POLQ: variants seen among roughly 807,000 people sequenced by gnomAD.
The protein encoded by POLQ is epididymis secretory sperm binding protein.
POLQ carries 233 observed loss-of-function variants against 259.2 expected under a neutral mutation model. The observed-to-expected ratio is 0.90, with a 90% CI of 0.81 to 1.00. The LOEUF (loss-of-function observed/expected upper bound fraction) is 1.00. Among genes scored for constraint, POLQ ranks in the 50% least tolerant of loss-of-function variants. POLQ has a pLI of 0.00. For missense variants in POLQ, 2,871 were observed against 3,051.6 expected (o/e 0.94, Z 1.39); for synonymous variants, 1,025 against 1,048.8 (o/e 0.98, Z 0.44).
chr3:121,475,556 G>C (rs2047918635), intron 20 of POLQ, among the ~76,000 whole-genome samples: 1 of 152,154 alleles, frequency 6.6e-6, no homozygotes, highest in Non-Finnish European at 1.5e-5. Context: ...CCCAGGAAGA[G>C]AGACCCATTA....
At chr3:121,449,002 A>C (rs1302002186) in intron 26 of POLQ, among the ~76,000 whole-genome samples, 1 of 152,192 alleles carries the variant, frequency 6.6e-6, no homozygotes, top group Admixed American at 6.5e-5. Context: ...TATACTCAAT[A>C]GTTTACTGTT....
chr3:121,437,230 T>A (rs2047551148), intron 27 of POLQ, among the ~76,000 whole-genome samples: 1 of 151,564 alleles, frequency 6.6e-6, no homozygotes, highest in African/African-American at 2.4e-5. Context: ...AACAAAAACC[T>A]CTCTCCACAC....
chr3:121,494,540 A>C, intron 14 of POLQ: 2 of 1,580,962 alleles, frequency 1.3e-6, no homozygotes, highest in Non-Finnish European at 1.7e-6. Context: ...CACCGTCACC[A>C]CCTTGGTGGA....
At chr3:121,523,268 C>T (rs1223238115) in intron 7 of POLQ, among the ~76,000 whole-genome samples, 2 of 152,164 alleles carry the variant, frequency 1.3e-5, no homozygotes, top group Non-Finnish European at 2.9e-5. Flanking sequence ...AATCCTCCCA[C>T]CTTGGCCTCC....
chr3:121,488,673 G>A lies in POLQ; in HGVS notation c.4258C>T (p.Pro1420Ser), dbSNP rs2048035666. The change falls in exon 16 of 30, where the codon CCA becomes TCA. Residue 1420 changes from proline (P) to serine (S), a missense_variant. By Grantham distance (74) the Pro-to-Ser change is moderately conservative. Coordinates refer to ENST00000264233, the MANE Select transcript of POLQ (RefSeq NM_199420.4). ...AGACCATTTTCCTCCAATAGTATTG[G>A]AGAATGGAAAATCGGGCTTTCTGGA... ...LTPESPIFHS[P>S]ILLEENGLFL... 4 of 1,612,136 alleles carry A rather than the reference G, an allele frequency of 2.5e-6. No homozygotes were observed. The highest frequency in any genetic ancestry group is 3.4e-6 in the Non-Finnish European group (4 of 1,179,586).
intron 5 of POLQ, among the ~76,000 whole-genome samples, chr3:121,536,436 G>A (rs2048451419): frequency 6.6e-6 from 1 of 152,096 alleles, no homozygotes; most frequent in African/African-American, 2.4e-5. Context: ...AAAGCTAGAA[G>A]AGTTGAAAGG....
At chr3:121,522,564 G>A (rs1252116363) in intron 7 of POLQ, among the ~76,000 whole-genome samples, 1 of 151,678 alleles carries the variant, frequency 6.6e-6, no homozygotes, top group African/African-American at 2.4e-5. Context: ...ACCCGCCTCG[G>A]CCTCCCAAAG....
At chr3:121,518,217 T>C (rs1387429887) in intron 9 of POLQ, among the ~76,000 whole-genome samples, 2 of 152,210 alleles carry the variant, frequency 1.3e-5, no homozygotes, top group Non-Finnish European at 2.9e-5. Context: ...AATTCATGCC[T>C]AAAGAAAACT....
intron 19 of POLQ, among the ~76,000 whole-genome samples, chr3:121,480,597 A>C (rs2047962745): frequency 6.6e-6 from 1 of 152,072 alleles, no homozygotes; most frequent in Non-Finnish European, 1.5e-5. Context: ...CTGAGACTAC[A>C]GGCAGGAACC....
rs1045968260 is a variant in POLQ, at chr3:121,498,632, C to T, written c.1998G>A (p.Trp666Ter). Residue 666 changes from tryptophan to a stop codon, truncating the protein, a stop_gained, in exon 13 of 30, where the codon TGG becomes TGA. Transcript: ENST00000264233. LOFTEE classifies it high-confidence loss of function. ...TCTCCCATAAACAGAAAAATCGATA[C>T]CAATCAATAGTAGTCCAATCCTCAA... ...PMFEDWTTIDWYRFFCLWEKL... is the reference protein window; with the variant it reads ...PMFEDWTTID 3.7e-6 allele frequency: 6 copies of T among 1,613,520 alleles called. No homozygotes were observed. The African/African-American group carries it at 8.0e-5, about 22-fold the overall frequency.
chr3:121,506,113 A>C (rs766386235), intron 12 of POLQ, among the ~76,000 whole-genome samples: 33 of 152,140 alleles, frequency 2.2e-4, no homozygotes, highest in Middle Eastern at 3.4e-3. Flanking sequence ...CAGAGCAAAA[A>C]AAATTTCTCA....
At chr3:121,446,115 C>T (rs936762398) in intron 26 of POLQ, among the ~76,000 whole-genome samples, 5 of 151,886 alleles carry the variant, frequency 3.3e-5, no homozygotes, top group Middle Eastern at 6.8e-3. Context: ...TTTGCTGTAT[C>T]CCATAGGTGT....
intron 7 of POLQ, among the ~76,000 whole-genome samples, chr3:121,528,026 G>A (rs778349170): frequency 6.6e-6 from 1 of 152,146 alleles, no homozygotes; most frequent in Non-Finnish European, 1.5e-5. Flanking sequence ...ATTTTATGCA[G>A]TTATGATTTA....
chr3:121,535,449 C>T (rs1048706731), intron 5 of POLQ, among the ~76,000 whole-genome samples: 5 of 152,104 alleles, frequency 3.3e-5, no homozygotes, highest in African/African-American at 1.2e-4. Context: ...GGCACAGTGG[C>T]TCATGCCTAT....
intron 7 of POLQ, among the ~76,000 whole-genome samples, chr3:121,526,871 C>CTATATGTG (rs144360614): frequency 6.9e-5 from 10 of 145,230 alleles, no homozygotes; most frequent in African/African-American, 2.4e-4. Context: ...GTGTGTGTCT[C>CTATATGTG]TGTATGTGTG....
chr3:121,456,903 C>T (rs1275425976), intron 25 of POLQ, among the ~76,000 whole-genome samples: 1 of 151,952 alleles, frequency 6.6e-6, no homozygotes, highest in African/African-American at 2.4e-5. Context: ...CATATGGAAC[C>T]AAAAAAGAGC....
At chr3:121,482,609 T>TG (rs34808945) in intron 18 of POLQ, among the ~76,000 whole-genome samples, 4 of 151,334 alleles carry the variant, frequency 2.6e-5, no homozygotes, top group Admixed American at 6.6e-5. Context: ...CCCCTCAGAA[T>TG]GGGGGGGGTC....
At chr3:121,499,737 A>G (rs2048152463) in intron 12 of POLQ, among the ~76,000 whole-genome samples, 1 of 152,234 alleles carries the variant, frequency 6.6e-6, no homozygotes, top group African/African-American at 2.4e-5. Context: ...TATGAAACAT[A>G]TAAGAAATAG....
intron 12 of POLQ, among the ~76,000 whole-genome samples, chr3:121,502,927 G>C (rs2048183152): frequency 6.6e-6 from 1 of 151,306 alleles, no homozygotes; most frequent in Admixed American, 6.6e-5. Flanking sequence ...ATAAACCCTT[G>C]AGTAAACACT....
Sources: allele counts gnomAD v4.1 joint callset (sites outside exome capture counted in the v4.1 genomes callset), GRCh38; gene constraint gnomAD v4.1.1; transcripts MANE v1.5; gene names NCBI Gene and HGNC (gene_info 2026-07-23, HGNC 2026-07-21).